BRINP2: variants seen among roughly 807,000 people sequenced by gnomAD.
BRINP2 encodes BMP/retinoic acid inducible neural specific 2.
In BRINP2, 21 loss-of-function variants were observed where a neutral mutation model predicts 69.2. The observed-to-expected ratio is 0.30, with a 90% CI of 0.22 to 0.44. The LOEUF (loss-of-function observed/expected upper bound fraction) is 0.44. Ranked by LOEUF, BRINP2 falls within the 20% of genes least tolerant of loss-of-function variation. The probability of loss-of-function intolerance (pLI) is 1.00; values close to 1 mark genes in which losing one functional copy is unlikely to be tolerated. For missense variants in BRINP2, 877 were observed against 986.0 expected, an observed-to-expected ratio of 0.89 and a Z score of 1.48; for synonymous variants, 380 against 394.1, an observed-to-expected ratio of 0.96 and a Z score of 0.42.
intron 2 of BRINP2, among the ~76,000 whole-genome samples, chr1:177,253,163 A>G (rs555024003): frequency 2.0e-5 from 3 of 152,238 alleles, no homozygotes; most frequent in African/African-American, 7.2e-5. Context: ...CACTCCCACC[A>G]ACAGTGTATT....
intron 5 of BRINP2, 150 bp from the exon 6 acceptor site, chr1:177,276,048 C>T (rs1651482683): frequency 4.2e-6 from 3 of 715,610 alleles, no homozygotes; most frequent in Non-Finnish European, 4.8e-6. Context: ...CCCCAACCAG[C>T]TCAGCAGGAT....
At chr1:177,278,867 T>G (rs1475016009) in intron 7 of BRINP2, 82 bp downstream of exon 7, 27 of 1,379,128 alleles carry the variant, frequency 2.0e-5, no homozygotes, top group Non-Finnish European at 2.7e-5. Flanking sequence ...CTCTGTCCAA[T>G]GTAGGGGATC....
At chr1:177,259,199 G>A (rs1470330367) in intron 4 of BRINP2, among the ~76,000 whole-genome samples, 1 of 152,176 alleles carries the variant, frequency 6.6e-6, no homozygotes, top group African/African-American at 2.4e-5. Flanking sequence ...TATGAAGGAA[G>A]TTTGAGTGGT....
intron 1 of BRINP2, among the ~76,000 whole-genome samples, chr1:177,214,303 G>A (rs933470936): frequency 6.6e-6 from 1 of 151,918 alleles, no homozygotes; most frequent in African/African-American, 2.4e-5. Context: ...CCTGGTGGCC[G>A]GAGCCTGTAA....
At chr1:177,235,888 A>G (rs1466109185) in intron 2 of BRINP2, among the ~76,000 whole-genome samples, 1 of 152,226 alleles carries the variant, frequency 6.6e-6, no homozygotes, top group Non-Finnish European at 1.5e-5. Flanking sequence ...GCTCTTCCGC[A>G]TAAACCACCA....
At chr1:177,265,800 T>A (rs1363913944) in intron 4 of BRINP2, among the ~76,000 whole-genome samples, 1 of 152,132 alleles carries the variant, frequency 6.6e-6, no homozygotes, top group Non-Finnish European at 1.5e-5. Context: ...AAATAATTTC[T>A]ATCTTGAAGT....
intron 1 of BRINP2, among the ~76,000 whole-genome samples, chr1:177,190,009 T>C (rs937986963): frequency 2.0e-5 from 3 of 152,120 alleles, no homozygotes; most frequent in African/African-American, 4.8e-5. Context: ...TGAACGGAAA[T>C]TCCCTTACAT....
At position 177,260,893 on chromosome 1, in the gene BRINP2, C is replaced by A. The variant is rs566075099; in HGVS notation, c.669+3509C>A. Among the ~76,000 whole-genome samples the A allele has an allele frequency of 3.3e-5, 5 of 152,020 alleles. No individual in the cohort carries two copies. The East Asian group carries it at 9.7e-4, about 30-fold the overall frequency. ...GTGATATTTGCTTTATTACAGTGGT[C>A]TAAAGCTGAACCCATAATATCTCTG... On this transcript the variant is annotated intron_variant, in intron 4 of 7. Transcript: ENST00000361539.
intron 2 of BRINP2, among the ~76,000 whole-genome samples, chr1:177,236,223 G>A (rs564479175): frequency 3.9e-5 from 6 of 152,154 alleles, no homozygotes; most frequent in Non-Finnish European, 8.8e-5. Context: ...GCAGCACAAG[G>A]CATCTTAGGC....
At chr1:177,197,184 A>G (rs959319137) in intron 1 of BRINP2, among the ~76,000 whole-genome samples, 3 of 152,146 alleles carry the variant, frequency 2.0e-5, no homozygotes, top group African/African-American at 7.2e-5. Flanking sequence ...GCTTCTGGGG[A>G]GGCCTTAGGA....
intron 2 of BRINP2, among the ~76,000 whole-genome samples, chr1:177,233,805 G>A (rs1649934325): frequency 6.6e-6 from 1 of 152,198 alleles, no homozygotes; most frequent in African/African-American, 2.4e-5. Context: ...GGCTCACTGA[G>A]CAGGCCTTTC....
At chr1:177,258,371 G>A (rs1031797647) in intron 4 of BRINP2, among the ~76,000 whole-genome samples, 1 of 152,190 alleles carries the variant, frequency 6.6e-6, no homozygotes, top group Non-Finnish European at 1.5e-5. Context: ...CATTCAATAA[G>A]TATTTACTGA....
At chr1:177,199,627 C>A (rs1338162992) in intron 1 of BRINP2, among the ~76,000 whole-genome samples, 1 of 152,160 alleles carries the variant, frequency 6.6e-6, no homozygotes, top group East Asian at 1.9e-4. Context: ...AGGCAGACAG[C>A]ATTTTCAGGG....
chr1:177,241,328 G>A (rs1274616214), intron 2 of BRINP2, among the ~76,000 whole-genome samples: 1 of 152,152 alleles, frequency 6.6e-6, no homozygotes, highest in African/African-American at 2.4e-5. Flanking sequence ...TTTGGAAATC[G>A]AATCATAGTC....
chr1:177,264,456 A>G (rs924454562), intron 4 of BRINP2, among the ~76,000 whole-genome samples: 1 of 152,228 alleles, frequency 6.6e-6, no homozygotes, highest in Non-Finnish European at 1.5e-5. Flanking sequence ...AGTTCTGGCC[A>G]GGGCAATAAG....
chr1:177,230,415 A>G (rs1649832223), intron 2 of BRINP2, among the ~76,000 whole-genome samples: 1 of 152,252 alleles, frequency 6.6e-6, no homozygotes, highest in East Asian at 1.9e-4. Flanking sequence ...TGTGCTGCTT[A>G]TAAGTTGAAG....
In BRINP2 at chr1:177,236,918, T is replaced by TA. The variant is rs59673685; in HGVS notation, c.269+6789dup. On this transcript the variant is annotated intron_variant, in intron 2 of 7. Coordinates refer to ENST00000361539, the MANE Select transcript of BRINP2 (RefSeq NM_021165.4). ...ACACTGATTTCTTCCAGGGTGCAAC[T>TA]AAAAAAAAAAAAAAAACTCCCACCT... Among the ~76,000 whole-genome samples the TA allele has an allele frequency of 7.9e-3, 918 of 116,014 alleles. 1 individual carries two copies. Among genetic ancestry groups the TA allele is most frequent in the Admixed American group, 8.0e-3 (90 of 11,254 alleles). The allele number at this position is 116,014 out of a possible 152,430, so 76.1% of individuals were successfully genotyped here. A position where few individuals can be genotyped will look rare whatever the true frequency, so the allele number is the denominator to read the frequency against.
At chr1:177,178,137 G>C (rs904531301) in intron 1 of BRINP2, among the ~76,000 whole-genome samples, 1 of 152,152 alleles carries the variant, frequency 6.6e-6, no homozygotes, top group African/African-American at 2.4e-5. Context: ...TCGTGCTACT[G>C]TCTGATGCCA....
chr1:177,273,823 C>T (rs973697557), intron 5 of BRINP2, among the ~76,000 whole-genome samples: 1 of 152,170 alleles, frequency 6.6e-6, no homozygotes, highest in Non-Finnish European at 1.5e-5. Context: ...TATCACATGA[C>T]ACCTCAATCA....
Sources: allele counts gnomAD v4.1 joint callset (sites outside exome capture counted in the v4.1 genomes callset), GRCh38; gene constraint gnomAD v4.1.1; transcripts MANE v1.5; gene names NCBI Gene and HGNC (gene_info 2026-07-23, HGNC 2026-07-21).